HERC2: variants seen among roughly 807,000 people sequenced by gnomAD.
HERC2 encodes E3 ubiquitin-protein ligase HERC2.
HERC2 carries 102 observed loss-of-function variants against 537.7 expected under a neutral mutation model. That is an observed-to-expected ratio of 0.19 (90% CI 0.16 to 0.22). The LOEUF (loss-of-function observed/expected upper bound fraction) is 0.22, where lower values mean the gene tolerates loss of function less well. Ranked by LOEUF, HERC2 falls within the 10% of genes least tolerant of loss-of-function variation. HERC2 has a pLI of 1.00. For synonymous variants in HERC2, 2,224 were observed against 2,466.2 expected (o/e 0.90, Z 2.91); for missense variants, 4,236 against 6,198.2 (o/e 0.68, Z 10.63).
At chr15:28,130,877 C>T (rs1302555671) in intron 81 of HERC2, among the ~76,000 whole-genome samples, 4 of 152,194 alleles carry the variant, frequency 2.6e-5, no homozygotes, top group Non-Finnish European at 5.9e-5. Flanking sequence ...AGCCTCTCCC[C>T]AGAATGGCCT....
In HERC2 at chr15:28,174,582, G is replaced by T. The variant is rs1467800754; in HGVS notation, c.9870C>A (p.Gly3290=). 1 of 1,613,444 alleles carries T rather than the reference G, an allele frequency of 6.2e-7. No individual in the cohort carries two copies. Among genetic ancestry groups the T allele is most frequent in the South Asian group, 1.1e-5 (1 of 91,048 alleles). Reference sequence around the variant, plus strand: ...TCCTGTTAACCGTGGTCGTGCCATTGCCCTGCTGGCCGTGGTCGTTGTCAC... The same window carrying T: ...TCCTGTTAACCGTGGTCGTGCCATTTCCCTGCTGGCCGTGGTCGTTGTCAC... The part of the protein sequence containing the change: ...AWGDNDHGQQ[G]NGTTTVNRKP... The change falls in exon 65 of 93, where the codon GGC becomes GGA. Residue 3290 remains glycine (G), a synonymous_variant. Transcript: ENST00000261609.
intron 2 of HERC2, among the ~76,000 whole-genome samples, chr15:28,301,733 GTGTATATATATATATA>G (rs1278706639): frequency 0.011 from 334 of 30,892 alleles, 7 homozygotes; most frequent in African/African-American, 0.033. Flanking sequence ...TTGTATGTAT[GTGTATATATATATATA>G]TATATATATA....
chr15:28,132,285 T>C (rs1890190099), intron 80 of HERC2, 24 bp from the exon 81 acceptor site: 1 of 1,590,532 alleles, frequency 6.3e-7, no homozygotes, highest in Non-Finnish European at 8.6e-7. Flanking sequence ...GGACTTGGGT[T>C]GGCCAAGCAC....
intron 78 of HERC2, among the ~76,000 whole-genome samples, chr15:28,136,070 C>T (rs191762219): frequency 6.7e-6 from 1 of 149,538 alleles, no homozygotes; most frequent in Non-Finnish European, 1.5e-5. Flanking sequence ...CATAAAAGAA[C>T]ACAAATACAT....
rs935868955 is a variant in HERC2, at chr15:28,280,096, T to C, written c.514A>G (p.Ile172Val). ...TTTTTGTCCACAGGAGGCAGAGAAA[T>C]ACCGCTGCTTTTCCACTTAACTTTG... ...NVKVKWKSSG[I>V]SLPPVDKKSS... is the part of the protein sequence containing the mutation. Residue 172 changes from isoleucine to valine, a missense_variant, in exon 5 of 93, where the codon ATT becomes GTT. Ile to Val is a conservative substitution (Grantham distance 29, BLOSUM62 3). Coordinates refer to ENST00000261609, the MANE Select transcript of HERC2 (RefSeq NM_004667.6). 9.3e-6 allele frequency: 15 copies of C among 1,614,090 alleles called. No homozygotes were observed. The highest frequency in any genetic ancestry group is 2.2e-5 in the East Asian group (1 of 44,880).
intron 2 of HERC2, among the ~76,000 whole-genome samples, chr15:28,314,680 C>A (rs1416229600): frequency 6.6e-6 from 1 of 151,802 alleles, no homozygotes; most frequent in Admixed American, 6.6e-5. Flanking sequence ...CATGATGAAA[C>A]CCCGTCTCTA....
chr15:28,319,210 C>G (rs2077169151), intron 2 of HERC2, among the ~76,000 whole-genome samples: 1 of 152,256 alleles, frequency 6.6e-6, no homozygotes. Flanking sequence ...TTTCATGCTA[C>G]TTAGACCTGT....
At chr15:28,292,047 G>C (rs917661288) in intron 4 of HERC2, among the ~76,000 whole-genome samples, 13 of 150,330 alleles carry the variant, frequency 8.6e-5, no homozygotes, top group African/African-American at 2.9e-4. Flanking sequence ...GGCTAACATA[G>C]TGAAACTTCG....
intron 44 of HERC2, among the ~76,000 whole-genome samples, chr15:28,206,693 C>T (rs932636999): frequency 6.6e-6 from 1 of 151,624 alleles, no homozygotes; most frequent in Non-Finnish European, 1.5e-5. Context: ...ATTAGCTGGG[C>T]ATGGTGGCGG....
rs779094025 is a variant in HERC2, at chr15:28,238,780, T to C, written c.3578-8A>G. 1.3e-6 allele frequency: 2 copies of C among 1,598,292 alleles called. No individual in the cohort carries two copies. The highest frequency in any genetic ancestry group is 1.7e-6 in the Non-Finnish European group (2 of 1,167,458). On this transcript the variant is annotated splice_region_variant and splice_polypyrimidine_tract_variant and intron_variant, in intron 23 of 92. Transcript: ENST00000261609. Reference sequence around the variant, plus strand: ...GACCTGTAAAAAATGACTCTGTATATACAGAAACCAGAATCAGTCCATTGA... The same window carrying C: ...GACCTGTAAAAAATGACTCTGTATACACAGAAACCAGAATCAGTCCATTGA...
chr15:28,277,179 G>A (rs902370572), intron 5 of HERC2, among the ~76,000 whole-genome samples: 8 of 152,166 alleles, frequency 5.3e-5, no homozygotes, highest in African/African-American at 1.9e-4. Flanking sequence ...CAGTTAAGGT[G>A]GGGAGAGAAG....
chr15:28,254,886 T>C (rs1227067630), intron 19 of HERC2, among the ~76,000 whole-genome samples: 1 of 152,166 alleles, frequency 6.6e-6, no homozygotes, highest in Admixed American at 6.5e-5. Flanking sequence ...TCTCACATAC[T>C]TGTTCAAATG....
At chr15:28,192,217 A>AAT in intron 52 of HERC2, 66 bp from the exon 53 acceptor site, 7 of 1,337,506 alleles carry the variant, frequency 5.2e-6, no homozygotes, top group Non-Finnish European at 7.3e-6. Flanking sequence ...CATGATCAAG[A>AAT]ATATTACATA....
At chr15:28,317,435 A>T (rs2077119364) in intron 2 of HERC2, among the ~76,000 whole-genome samples, 1 of 152,254 alleles carries the variant, frequency 6.6e-6, no homozygotes, top group African/African-American at 2.4e-5. Flanking sequence ...AAGAGCTTAC[A>T]TTTATGCGTA....
rs1466819589 is a variant in HERC2 at position 28,213,976 on chromosome 15, G to A, written c.6556-4C>T. The A allele has an allele frequency of 8.7e-6, 14 of 1,613,000 alleles. No homozygotes were observed. The highest frequency in any genetic ancestry group is 1.2e-5 in the Non-Finnish European group (14 of 1,179,116). On this transcript the variant is annotated splice_polypyrimidine_tract_variant and splice_region_variant and intron_variant, in intron 41 of 92. Coordinates refer to ENST00000261609, the MANE Select transcript of HERC2 (RefSeq NM_004667.6). Reference sequence around the variant, plus strand: ...GGAAGTAGTCCTCTAACTGGGCCTAGTGCAGACCAAACAGCGAGCTCGACA... The same window carrying A: ...GGAAGTAGTCCTCTAACTGGGCCTAATGCAGACCAAACAGCGAGCTCGACA...
At position 28,268,615 on chromosome 15, in the gene HERC2, G is replaced by A. The variant is rs1365845866; in HGVS notation, c.1448C>T (p.Ala483Val). 3.1e-6 allele frequency: 5 copies of A among 1,613,108 alleles called. No homozygotes were observed. The highest frequency in any genetic ancestry group is 1.7e-5 in the Admixed American group (1 of 59,856). ...GGCAAGGCCTTGGACCAGCTGTGGGGCCTAAAGAAGGAAAAATACGAAGAA... is the reference window on the plus strand; with the variant it reads ...GGCAAGGCCTTGGACCAGCTGTGGGACCTAAAGAAGGAAAAATACGAAGAA... ...YTQAYNSDTL[A>V]PQLVQGLASR... is the part of the protein sequence containing the mutation. The change falls in exon 12 of 93, where the codon GCC becomes GTC. Residue 483 changes from alanine (A) to valine (V), a missense_variant and splice_region_variant. Coordinates refer to ENST00000261609, the MANE Select transcript of HERC2 (RefSeq NM_004667.6). This position sits in a 1 kb window ranked among gnomAD's most constrained non-coding sequence, Gnocchi z 4.7.
chr15:28,210,066 A>G (rs977660774), intron 44 of HERC2, among the ~76,000 whole-genome samples: 6 of 144,362 alleles, frequency 4.2e-5, no homozygotes, highest in Non-Finnish European at 8.9e-5. Flanking sequence ...GGTTCAAGTG[A>G]TTCTCCTGCC....
intron 2 of HERC2, among the ~76,000 whole-genome samples, chr15:28,301,197 T>C (rs1199819609): frequency 6.6e-6 from 1 of 151,832 alleles, no homozygotes; most frequent in Non-Finnish European, 1.5e-5. Context: ...GGCAGATCAC[T>C]TGAGGTCAGG....
At chr15:28,295,207 A>C (rs2141163580) in intron 3 of HERC2, among the ~76,000 whole-genome samples, 1 of 151,630 alleles carries the variant, frequency 6.6e-6, no homozygotes, top group East Asian at 2.0e-4. Context: ...CAAGGTAGAC[A>C]CCTTGGGTCA....
Sources: gnomAD v4.1 joint callset for allele counts (sites outside exome capture counted in the v4.1 genomes callset) on GRCh38, gnomAD v4.1.1 for gene constraint, Gnocchi (gnomAD v3.1) non-coding constraint, MANE v1.5 for transcripts, NCBI Gene and HGNC (gene_info 2026-07-23, HGNC 2026-07-21) for gene names.